Variants in KMT2C observed in about 807,000 individuals in gnomAD.
KMT2C encodes the protein lysine methyltransferase 2C.
Under a neutral mutation model 507.9 loss-of-function variants are expected in KMT2C, and 88 were observed. That is an observed-to-expected ratio of 0.17 (90% CI 0.15 to 0.21). KMT2C has a LOEUF of 0.21. Among genes scored for constraint, KMT2C ranks in the 10% least tolerant of loss-of-function variants. The pLI is 1.00. For missense variants in KMT2C, 4,954 were observed against 5,957.8 expected (o/e 0.83, Z 5.55); for synonymous variants, 2,049 against 2,080.8 (o/e 0.98, Z 0.42).
At chr7:152,374,340 T>C (rs1280548110) in intron 1 of KMT2C, among the ~76,000 whole-genome samples, 5 of 151,046 alleles carry the variant, frequency 3.3e-5, no homozygotes, top group Admixed American at 3.3e-4. Context: ...ATAATAATAA[T>C]AATTAATAAA....
At position 152,180,138 on chromosome 7, in the gene KMT2C, G is replaced by A. The variant is rs2129118415; in HGVS notation, c.7150-12C>T. 6.2e-7 allele frequency: 1 copy of A among 1,612,022 alleles called. No homozygotes were observed. Among genetic ancestry groups the A allele is most frequent in the South Asian group, 1.1e-5 (1 of 90,682 alleles). On this transcript the variant is annotated splice_polypyrimidine_tract_variant and intron_variant, in intron 36 of 58. Transcript: ENST00000262189. Reference sequence around the variant, plus strand: ...CGTAACTTCTGCCGCTAAATGGGAAGAAACAAAAATCACTGGGATTTGTGG... The same window carrying A: ...CGTAACTTCTGCCGCTAAATGGGAAAAAACAAAAATCACTGGGATTTGTGG...
rs924280436 is a variant in KMT2C at position 152,163,511 on chromosome 7, C to T, written c.10066G>A (p.Ala3356Thr). The T allele has an allele frequency of 4.3e-6, 7 of 1,613,206 alleles. No homozygotes were observed. The East Asian group carries it at 1.3e-4, about 31-fold the overall frequency. ...GTACAAGTTTTTATTGGTAACTGGG[C>T]AATTGGGGGCTGAATTCTAGGAGGA... ...LNPPRIQPPI[A>T]QLPIKTCTPA... The change falls in exon 43 of 59, where the codon GCC becomes ACC. Residue 3356 changes from alanine (A) to threonine (T), a missense_variant. Coordinates refer to ENST00000262189, the MANE Select transcript of KMT2C (RefSeq NM_170606.3).
At chr7:152,365,000 G>A (rs1056480290) in intron 1 of KMT2C, among the ~76,000 whole-genome samples, 16 of 150,860 alleles carry the variant, frequency 1.1e-4, no homozygotes, top group Non-Finnish European at 2.1e-4. Context: ...TAGTCAAATT[G>A]CTGAAAAAGA....
chr7:152,434,379 A>G (rs2097895741), intron 1 of KMT2C, among the ~76,000 whole-genome samples: 1 of 152,206 alleles, frequency 6.6e-6, no homozygotes, highest in Admixed American at 6.5e-5. Context: ...GCAAGAAAAG[A>G]GCACATTCAA....
chr7:152,269,012 A>T (rs958432579), intron 7 of KMT2C, among the ~76,000 whole-genome samples: 1 of 152,214 alleles, frequency 6.6e-6, no homozygotes, highest in African/African-American at 2.4e-5. Context: ...AATTAAATAA[A>T]ATTTACTACA....
intron 41 of KMT2C, among the ~76,000 whole-genome samples, chr7:152,168,274 G>C (rs2092820362): frequency 6.6e-6 from 1 of 152,050 alleles, no homozygotes; most frequent in South Asian, 2.1e-4. Context: ...AATGATAACA[G>C]AATATTGTCA....
rs2097913507 is a variant in KMT2C, at chr7:152,435,981, A to C, written c.-195T>G. The C allele has an allele frequency of 3.1e-6, 1 of 323,084 alleles. No homozygotes were observed. The highest frequency in any genetic ancestry group is 5.4e-6 in the Non-Finnish European group (1 of 185,688). 20.0% of individuals were successfully genotyped at this position (323,084 alleles called of 1,614,324 possible). A position where few individuals can be genotyped will look rare whatever the true frequency, so the allele number is the denominator to read the frequency against. On this transcript the variant is annotated 5_prime_UTR_variant, in exon 1 of 59. Transcript: ENST00000262189. ...GAGCGAGCAGGACACGCACTCACACACATCGGCGCGGGCGCGCGCACCTCC... is the reference window on the plus strand; with the variant it reads ...GAGCGAGCAGGACACGCACTCACACCCATCGGCGCGGGCGCGCGCACCTCC...
At chr7:152,147,707 C>CAAAAAAAAAAAAAAAAAAAA (rs762588729) in intron 52 of KMT2C, among the ~76,000 whole-genome samples, 4 of 46,698 alleles carry the variant, frequency 8.6e-5, no homozygotes, top group African/African-American at 1.6e-4. Flanking sequence ...AACTCCGTCT[C>CAAAAAAAAAAAAAAAAAAAA]AAAAAAAAAA....
chr7:152,321,234 A>AAAATAAAT (rs781567669), intron 3 of KMT2C, among the ~76,000 whole-genome samples: 1 of 151,628 alleles, frequency 6.6e-6, no homozygotes, highest in Non-Finnish European at 1.5e-5. Context: ...CCCTTTCAAG[A>AAAATAAAT]AAATAAATAA....
At position 152,138,024 on chromosome 7, in the gene KMT2C, GTCAC is replaced by G. The variant is rs2090081317; in HGVS notation, c.14643+768_14643+771del. ...GGGAGAGGAGCACCAACAAAGTCAA[GTCAC>G]TCAGGTGCCTCACTCCCCAAATGCG... On this transcript the variant is annotated intron_variant, in intron 58 of 58. Transcript: ENST00000262189. This position sits in a 1 kb window ranked among gnomAD's most constrained non-coding sequence, Gnocchi z 4.2. 1 of 152,208 alleles carries G rather than the reference GTCAC, an allele frequency of 6.6e-6. No individual in the cohort carries two copies. The highest frequency in any genetic ancestry group is 2.4e-5 in the African/African-American group (1 of 41,432). The allele number at this position is 152,208 out of a possible 1,614,324, so 9.4% of individuals were successfully genotyped here.
At chr7:152,327,957 C>CA (rs371396057) in intron 3 of KMT2C, among the ~76,000 whole-genome samples, 27,109 of 78,236 alleles carry the variant, frequency 0.35, 4,124 homozygotes, top group Middle Eastern at 0.46. Flanking sequence ...GACTCCGCCT[C>CA]AAAAAAAAAA....
chr7:152,216,970 C>T (rs1021146929), intron 23 of KMT2C, among the ~76,000 whole-genome samples: 2 of 152,156 alleles, frequency 1.3e-5, no homozygotes, highest in African/African-American at 2.4e-5. Context: ...CACAACTATC[C>T]TATGGGCTCA....
chr7:152,384,993 A>G (rs2097410446), intron 1 of KMT2C, among the ~76,000 whole-genome samples: 1 of 152,162 alleles, frequency 6.6e-6, no homozygotes, highest in African/African-American at 2.4e-5. Context: ...TGCTAATGTC[A>G]CAAAAAGAGA....
At chr7:152,362,749 GTTCT>G (rs2097206937) in intron 1 of KMT2C, among the ~76,000 whole-genome samples, 1 of 152,052 alleles carries the variant, frequency 6.6e-6, no homozygotes, top group Non-Finnish European at 1.5e-5. Context: ...TTTCAAGCTC[GTTCT>G]GTCTAGTTTA....
chr7:152,173,821 G>A (rs2093070167), intron 39 of KMT2C, among the ~76,000 whole-genome samples: 1 of 152,114 alleles, frequency 6.6e-6, no homozygotes, highest in Non-Finnish European at 1.5e-5. Context: ...AATTCTAAAG[G>A]TATTTAAAAG....
At chr7:152,242,713 G>A (rs1268052682) in intron 14 of KMT2C, among the ~76,000 whole-genome samples, 23 of 152,202 alleles carry the variant, frequency 1.5e-4, no homozygotes, top group African/African-American at 2.4e-5. Flanking sequence ...GTGGAGGATA[G>A]GCTATTTAGA....
At chr7:152,245,128 T>C (rs1476837269) in intron 14 of KMT2C, among the ~76,000 whole-genome samples, 2 of 152,212 alleles carry the variant, frequency 1.3e-5, no homozygotes, top group African/African-American at 4.8e-5. Context: ...CAACAAATGG[T>C]TTAGCAATTA....
chr7:152,353,457 C>T (rs1035755286), intron 2 of KMT2C, among the ~76,000 whole-genome samples: 2 of 152,136 alleles, frequency 1.3e-5, no homozygotes, highest in African/African-American at 2.4e-5. Flanking sequence ...CTAGATTACT[C>T]ATTCCCATCC....
At chr7:152,412,278 G>A (rs531975555) in intron 1 of KMT2C, among the ~76,000 whole-genome samples, 60 of 152,346 alleles carry the variant, frequency 3.9e-4, no homozygotes, top group African/African-American at 1.4e-3. Flanking sequence ...GCAGGAACCT[G>A]TAATCCCAGC....
Sources: gnomAD v4.1 joint callset for allele counts (sites outside exome capture counted in the v4.1 genomes callset) on GRCh38, gnomAD v4.1.1 for gene constraint, Gnocchi (gnomAD v3.1) non-coding constraint, MANE v1.5 for transcripts, NCBI Gene and HGNC (gene_info 2026-07-23, HGNC 2026-07-21) for gene names.